Variants in DNM3 observed in about 807,000 individuals in gnomAD.
DNM3 encodes the protein dynamin-3.
DNM3 carries 47 observed loss-of-function variants against 101.6 expected under a neutral mutation model. That is an observed-to-expected ratio of 0.46 (90% CI 0.37 to 0.59). DNM3 has a LOEUF of 0.59. Among genes scored for constraint, DNM3 ranks in the 20% least tolerant of loss-of-function variants. The pLI is 0.00. For missense variants in DNM3, 849 were observed against 1,085.7 expected, an observed-to-expected ratio of 0.78 and a Z score of 3.06; for synonymous variants, 385 against 387.9, an observed-to-expected ratio of 0.99 and a Z score of 0.09.
At chr1:172,048,496 C>T (rs1349402074) in intron 9 of DNM3, 116 bp from the exon 10 acceptor site, 4 of 1,208,968 alleles carry the variant, frequency 3.3e-6, no homozygotes, top group Admixed American at 6.4e-5. Flanking sequence ...AACTTTTAAA[C>T]TTGGTCTATT....
At chr1:172,126,514 G>C (rs1212341176) in intron 13 of DNM3, among the ~76,000 whole-genome samples, 1 of 152,032 alleles carries the variant, frequency 6.6e-6, no homozygotes. Context: ...CAAAATAATT[G>C]TCCTGTAGCT....
rs755242790 is a variant in DNM3 at position 171,892,633 on chromosome 1, T to C, written c.162-29115T>C. ...ATCCACTTAATTGTTCATTTATGTA[T>C]ACATGTATAACAGTATCAGAATTAA... is the stretch of plus-strand genomic sequence containing the variant. On this transcript the variant is annotated intron_variant, in intron 1 of 20. Transcript: ENST00000627582. Among the ~76,000 whole-genome samples, 28 of 152,232 alleles carry C rather than the reference T, an allele frequency of 1.8e-4. 1 individual carries two copies. Among genetic ancestry groups the C allele is most frequent in the Admixed American group, 1.7e-3 (26 of 15,290 alleles).
chr1:172,298,049 T>C (rs1336539274), intron 15 of DNM3, among the ~76,000 whole-genome samples: 1 of 152,184 alleles, frequency 6.6e-6, no homozygotes, highest in Non-Finnish European at 1.5e-5. Flanking sequence ...AATTCTAGTC[T>C]CAACAATGAT....
At chr1:172,363,656 T>A (rs1403006262) in intron 17 of DNM3, among the ~76,000 whole-genome samples, 1 of 151,830 alleles carries the variant, frequency 6.6e-6, no homozygotes, top group Non-Finnish European at 1.5e-5. Flanking sequence ...GCCATACTAA[T>A]CTTCCTAAAC....
chr1:171,913,273 CA>C (rs915826815), intron 1 of DNM3, among the ~76,000 whole-genome samples: 5 of 151,944 alleles, frequency 3.3e-5, no homozygotes, highest in African/African-American at 1.2e-4. Flanking sequence ...AAGATGTCAA[CA>C]AAAAATAAGT....
intron 1 of DNM3, among the ~76,000 whole-genome samples, chr1:171,872,012 G>A (rs540342661): frequency 6.6e-6 from 1 of 151,792 alleles, no homozygotes; most frequent in African/African-American, 2.4e-5. Context: ...ATGCAGACGA[G>A]CTATGGCCAT....
intron 11 of DNM3, among the ~76,000 whole-genome samples, chr1:172,078,614 C>T (rs572621576): frequency 6.6e-6 from 1 of 152,216 alleles, no homozygotes. Flanking sequence ...GGCATTTAGT[C>T]CATTTACAAT....
At chr1:172,169,963 G>A (rs1394075931) in intron 14 of DNM3, among the ~76,000 whole-genome samples, 1 of 151,814 alleles carries the variant, frequency 6.6e-6, no homozygotes, top group Non-Finnish European at 1.5e-5. Flanking sequence ...TTTACAGTGT[G>A]CAAAGAAATC....
chr1:172,241,292 T>A (rs540442643), intron 14 of DNM3, among the ~76,000 whole-genome samples: 246 of 151,560 alleles, frequency 1.6e-3, no homozygotes, highest in African/African-American at 5.7e-3. Context: ...GGTTAGAAGC[T>A]CTTTTTGAGC....
intron 11 of DNM3, among the ~76,000 whole-genome samples, chr1:172,078,512 T>C (rs1296679534): frequency 6.6e-6 from 1 of 152,218 alleles, no homozygotes; most frequent in Admixed American, 6.5e-5. Flanking sequence ...AGCCTATGTG[T>C]GTCTTTGCAT....
At chr1:172,042,668 AG>A (rs1189261208) in intron 8 of DNM3, among the ~76,000 whole-genome samples, 2 of 152,152 alleles carry the variant, frequency 1.3e-5, no homozygotes, top group Non-Finnish European at 2.9e-5. Context: ...TCTGGGGGAA[AG>A]GGGTTGTTCA....
chr1:172,409,554 C>G lies in DNM3; in HGVS notation c.*1713C>G, dbSNP rs2071092116. The G allele has an allele frequency of 3.0e-6, 3 of 984,972 alleles. No homozygotes were observed. In the African/African-American group the frequency reaches 5.2e-5, roughly 17 times the overall value. The allele number at this position is 984,972 out of a possible 1,614,324, so 61.0% of individuals were successfully genotyped here. ...AGTGATTGTATAAAAACATCACAAT[C>G]CTAAATCCTCTCGTATCTCACCCCA... On this transcript the variant is annotated 3_prime_UTR_variant, in exon 21 of 21. Transcript: ENST00000627582.
intron 4 of DNM3, among the ~76,000 whole-genome samples, chr1:172,025,196 CT>C (rs1260440387): frequency 3.3e-5 from 5 of 152,238 alleles, no homozygotes; most frequent in Non-Finnish European, 7.3e-5. Context: ...GAAGTTCCAA[CT>C]GGGTGGAGCC....
At chr1:172,083,109 T>G (rs2053275278) in intron 12 of DNM3, among the ~76,000 whole-genome samples, 1 of 152,204 alleles carries the variant, frequency 6.6e-6, no homozygotes, top group South Asian at 2.1e-4. Flanking sequence ...CTCCTCTCTT[T>G]TAGCCCCAAG....
At chr1:172,300,281 A>G (rs2064378237) in intron 15 of DNM3, among the ~76,000 whole-genome samples, 1 of 151,890 alleles carries the variant, frequency 6.6e-6, no homozygotes, top group Non-Finnish European at 1.5e-5. Context: ...TAAATTCTGG[A>G]TATTAGACCT....
chr1:172,346,184 G>C (rs2066931381), intron 17 of DNM3, among the ~76,000 whole-genome samples: 1 of 151,342 alleles, frequency 6.6e-6, no homozygotes, highest in Non-Finnish European at 1.5e-5. Context: ...GCTTTGAAGA[G>C]AAAGTGACTT....
In DNM3 at chr1:171,925,897, G is replaced by T. The variant is rs1474919319; in HGVS notation, c.235+4076G>T. 3.9e-5 allele frequency among the ~76,000 whole-genome samples: 6 copies of T among 152,140 alleles called. No individual in the cohort carries two copies. The East Asian group carries it at 1.2e-3, about 29-fold the overall frequency. ...TAATTTTTGTATATGGTGAGAGATAGGGGTCCAGTTATATTCTTCTGCATA... is the reference window on the plus strand; with the variant it reads ...TAATTTTTGTATATGGTGAGAGATATGGGTCCAGTTATATTCTTCTGCATA... On this transcript the variant is annotated intron_variant, in intron 2 of 20. Transcript: ENST00000627582.
intron 10 of DNM3, among the ~76,000 whole-genome samples, chr1:172,055,775 T>A (rs1362908825): frequency 6.6e-6 from 1 of 152,202 alleles, no homozygotes; most frequent in African/African-American, 2.4e-5. Flanking sequence ...GACTTTCTTT[T>A]AGGTTTATAT....
At chr1:172,241,403 C>G (rs1367159804) in intron 14 of DNM3, among the ~76,000 whole-genome samples, 1 of 151,942 alleles carries the variant, frequency 6.6e-6, no homozygotes, top group African/African-American at 2.4e-5. Context: ...GGAAGTATTG[C>G]AGGGTAATGC....
Sources: allele counts gnomAD v4.1 joint callset (sites outside exome capture counted in the v4.1 genomes callset), GRCh38; gene constraint gnomAD v4.1.1; transcripts MANE v1.5; gene names NCBI Gene and HGNC (gene_info 2026-07-23, HGNC 2026-07-21).